BCKDHB: variants seen among roughly 807,000 people sequenced by gnomAD.
BCKDHB encodes the protein 2-oxoisovalerate dehydrogenase subunit beta, mitochondrial.
BCKDHB carries 41 observed loss-of-function variants against 48.5 expected under a neutral mutation model. The ratio of observed to expected loss-of-function variants is 0.85; its 90% confidence interval spans 0.66 to 1.10. BCKDHB has a LOEUF of 1.10. Among genes scored for constraint, BCKDHB ranks in the 50% least tolerant of loss-of-function variants. BCKDHB has a pLI of 0.00. For synonymous variants in BCKDHB, 201 were observed against 174.8 expected, an observed-to-expected ratio of 1.15 and a Z score of -1.18; for missense variants, 496 against 494.2, an observed-to-expected ratio of 1.00 and a Z score of -0.03.
In BCKDHB at chr6:80,343,754, C is replaced by A; in HGVS notation, c.1129C>A (p.Pro377Thr). Reference sequence around the variant, plus strand: ...TCACATTTTTGAACCATTCTACATCCCAGACAAATGGAAGTGTTATGATGC... The same window carrying A: ...TCACATTTTTGAACCATTCTACATCACAGACAAATGGAAGTGTTATGATGC... The part of the protein sequence containing the change: ...FPHIFEPFYI[P>T]DKWKCYDALR... The change falls in exon 10 of 10, where the codon CCA becomes ACA. Residue 377 changes from proline to threonine, a missense_variant. Coordinates refer to ENST00000320393, the MANE Select transcript of BCKDHB (RefSeq NM_183050.4). 4 of 1,613,822 alleles carry A rather than the reference C, an allele frequency of 2.5e-6. No homozygotes were observed. The highest frequency in any genetic ancestry group is 2.5e-6 in the Non-Finnish European group (3 of 1,179,908).
chr6:80,365,161 G>A, the BCKDHB span, among the ~76,000 whole-genome samples: 13 of 152,200 alleles, frequency 8.5e-5, no homozygotes, highest in Non-Finnish European at 1.8e-4. Flanking sequence ...TACTGATAAG[G>A]GTCCAACAAA....
At chr6:80,183,611 A>G (rs1291522665) in intron 6 of BCKDHB, among the ~76,000 whole-genome samples, 1 of 152,142 alleles carries the variant, frequency 6.6e-6, no homozygotes. Context: ...TCATCACTCA[A>G]AGTCCATGGT....
At chr6:80,248,068 T>G (rs1420533859) in intron 8 of BCKDHB, among the ~76,000 whole-genome samples, 3 of 152,242 alleles carry the variant, frequency 2.0e-5, no homozygotes, top group Non-Finnish European at 2.9e-5. Flanking sequence ...GTTAGGTGGT[T>G]GTTATTAATT....
the BCKDHB span, among the ~76,000 whole-genome samples, chr6:80,399,030 A>G: frequency 6.6e-6 from 1 of 152,174 alleles, no homozygotes; most frequent in Non-Finnish European, 1.5e-5. Flanking sequence ...AATAGGGCAG[A>G]AAAGGCTTTT....
chr6:80,107,823 C>T (rs1769206093), intron 1 of BCKDHB, among the ~76,000 whole-genome samples: 1 of 152,034 alleles, frequency 6.6e-6, no homozygotes, highest in Admixed American at 6.5e-5. Flanking sequence ...TGATTTTTAC[C>T]ATTTCTGCAA....
the BCKDHB span, among the ~76,000 whole-genome samples, chr6:80,428,467 A>C: frequency 6.6e-6 from 1 of 152,246 alleles, no homozygotes; most frequent in Non-Finnish European, 1.5e-5. Context: ...ACAATGGTTG[A>C]ACTAATTTAC....
intron 8 of BCKDHB, among the ~76,000 whole-genome samples, chr6:80,247,019 G>A (rs904173413): frequency 2.0e-5 from 3 of 152,104 alleles, no homozygotes; most frequent in African/African-American, 7.2e-5. Context: ...CAGGGAAACT[G>A]CTTTAATATT....
rs560676037 is a variant in BCKDHB, at chr6:80,203,687, G to A, written c.951+475G>A. On this transcript the variant is annotated intron_variant, in intron 8 of 9. Coordinates refer to ENST00000320393, the MANE Select transcript of BCKDHB (RefSeq NM_183050.4). ...TATAGTCTTAATACTGTGGATTACA[G>A]TCTAAGGGTTATGTGGAGATTCTGG... Among the ~76,000 whole-genome samples, 10 of 152,156 alleles carry A rather than the reference G, an allele frequency of 6.6e-5. No individual in the cohort carries two copies. The East Asian group carries it at 1.5e-3, about 24-fold the overall frequency.
chr6:80,239,496 A>T (rs1224436011), intron 8 of BCKDHB, among the ~76,000 whole-genome samples: 1 of 151,946 alleles, frequency 6.6e-6, no homozygotes, highest in Non-Finnish European at 1.5e-5. Flanking sequence ...TAGATTCTGG[A>T]TATTAGCCCT....
chr6:80,181,026 G>C (rs2127790768), intron 6 of BCKDHB, among the ~76,000 whole-genome samples: 1 of 152,170 alleles, frequency 6.6e-6, no homozygotes, highest in South Asian at 2.1e-4. Flanking sequence ...CCAAATCCAA[G>C]CATCTTTCCC....
chr6:80,195,516 T>G (rs983395003), intron 6 of BCKDHB, among the ~76,000 whole-genome samples: 1 of 152,214 alleles, frequency 6.6e-6, no homozygotes, highest in African/African-American at 2.4e-5. Context: ...TATTAGTTTA[T>G]AGTTGATTAT....
chr6:80,151,123 G>A (rs1771753815), intron 3 of BCKDHB, among the ~76,000 whole-genome samples: 1 of 152,132 alleles, frequency 6.6e-6, no homozygotes, highest in African/African-American at 2.4e-5. Flanking sequence ...TTATTAGATG[G>A]ACTAATGGAT....
chr6:80,122,116 G>A (rs1770059246), intron 1 of BCKDHB, among the ~76,000 whole-genome samples: 1 of 152,206 alleles, frequency 6.6e-6, no homozygotes, highest in Non-Finnish European at 1.5e-5. Context: ...TAATCATGTG[G>A]TTTTTGTCAT....
chr6:80,441,866 C>T, the BCKDHB span, among the ~76,000 whole-genome samples: 2 of 152,100 alleles, frequency 1.3e-5, no homozygotes, highest in African/African-American at 2.4e-5. Flanking sequence ...AAAGTCCCTA[C>T]AGTTGTGGCA....
intron 8 of BCKDHB, among the ~76,000 whole-genome samples, chr6:80,227,882 A>G (rs928203117): frequency 1.3e-5 from 2 of 152,188 alleles, no homozygotes; most frequent in South Asian, 2.1e-4. Context: ...CCTGTGAGCC[A>G]TAGAAAGAAC....
At chr6:80,361,741 C>T in the BCKDHB span, among the ~76,000 whole-genome samples, 2 of 152,174 alleles carry the variant, frequency 1.3e-5, no homozygotes, top group African/African-American at 2.4e-5. Flanking sequence ...AAAATGGAGC[C>T]TCTGTTACAC....
intron 8 of BCKDHB, among the ~76,000 whole-genome samples, chr6:80,272,461 A>G (rs1452450381): frequency 6.6e-6 from 1 of 152,184 alleles, no homozygotes; most frequent in African/African-American, 2.4e-5. Flanking sequence ...GCATCCTGCT[A>G]TGATATCATT....
chr6:80,129,156 T>C lies in BCKDHB; in HGVS notation c.275-5T>C, dbSNP rs1770497105. 6.3e-7 allele frequency: 1 copy of C among 1,598,508 alleles called. No homozygotes were observed. The highest frequency in any genetic ancestry group is 1.7e-5 in the Admixed American group (1 of 59,872). The stretch of plus-strand genomic sequence containing the variant: ...AAAATGTATTATTTAAATACTGTTT[T>C]TCAGTAATATTTGGTGAAGATGTTG... On this transcript the variant is annotated splice_polypyrimidine_tract_variant and splice_region_variant and intron_variant, in intron 2 of 9. Transcript: ENST00000320393.
chr6:80,206,129 T>C (rs1390761841), intron 8 of BCKDHB, among the ~76,000 whole-genome samples: 1 of 152,010 alleles, frequency 6.6e-6, no homozygotes, highest in Non-Finnish European at 1.5e-5. Flanking sequence ...CACTTGGTAA[T>C]GAAGTGACAA....
Sources: allele counts gnomAD v4.1 joint callset (sites outside exome capture counted in the v4.1 genomes callset), GRCh38; gene constraint gnomAD v4.1.1; transcripts MANE v1.5; gene names NCBI Gene and HGNC (gene_info 2026-07-23, HGNC 2026-07-21).